Variants in HHAT observed in about 807,000 individuals in gnomAD.
The protein encoded by HHAT is hedgehog acyltransferase.
A neutral mutation model predicts 70.8 loss-of-function variants in HHAT; 47 were observed. The observed-to-expected ratio is 0.66, with a 90% confidence interval of 0.53 to 0.85. HHAT has a LOEUF of 0.85. Among genes scored for constraint, HHAT ranks in the 40% least tolerant of loss-of-function variants. HHAT has a pLI of 0.00. For missense variants in HHAT, 609 were observed against 604.8 expected (o/e 1.01, Z -0.07); for synonymous variants, 228 against 247.6 (o/e 0.92, Z 0.74).
At chr1:210,456,005 G>C (rs1217513427) in intron 7 of HHAT, among the ~76,000 whole-genome samples, 1 of 151,952 alleles carries the variant, frequency 6.6e-6, no homozygotes, top group East Asian at 1.9e-4. Context: ...GTAGAGGAGA[G>C]TGCAAAGCTC....
intron 10 of HHAT, among the ~76,000 whole-genome samples, chr1:210,617,900 C>T (rs1367121393): frequency 2.0e-5 from 3 of 152,178 alleles, no homozygotes; most frequent in Non-Finnish European, 4.4e-5. Flanking sequence ...TGTATTCATT[C>T]AGCTTGGATA....
chr1:210,444,240 C>T (rs1332417860), intron 7 of HHAT, among the ~76,000 whole-genome samples: 1 of 82,854 alleles, frequency 1.2e-5, no homozygotes, highest in African/African-American at 4.2e-5. Flanking sequence ...CTGCTGGATT[C>T]GTTTTGCCAG....
intron 5 of HHAT, among the ~76,000 whole-genome samples, chr1:210,404,008 T>C (rs1167241026): frequency 6.6e-6 from 1 of 151,882 alleles, no homozygotes; most frequent in African/African-American, 2.4e-5. Context: ...AGAGCCAAAC[T>C]GATAACAAAA....
At chr1:210,365,319 T>TTTGTTTG (rs1443857806) in intron 3 of HHAT, among the ~76,000 whole-genome samples, 1 of 131,562 alleles carries the variant, frequency 7.6e-6, no homozygotes, top group African/African-American at 3.0e-5. Flanking sequence ...GTTTTTTTTT[T>TTTGTTTG]TTTTTTTTTT....
Position 210,418,222 on chromosome 1 carries a change from T to C in HHAT, c.753T>C (p.Leu251=). 1 of 1,614,084 alleles carries C rather than the reference T, an allele frequency of 6.2e-7. No individual in the cohort carries two copies. Among genetic ancestry groups the C allele is most frequent in the Non-Finnish European group, 8.5e-7 (1 of 1,179,992 alleles). ...LCVLALGLGR[L]LCWWWLAELM... is the part of the protein sequence containing the mutation. The stretch of plus-strand genomic sequence containing the variant: ...TCCTGGCCCTGGGGCTGGGCCGCCT[T>C]CTTTGCTGGTGGTGGCTGGCCGAGC... The change falls in exon 7 of 12, where the codon CTT becomes CTC. Residue 251 remains leucine (L), a synonymous_variant. Transcript: ENST00000261458.
chr1:210,596,683 C>T (rs76460411), intron 10 of HHAT, among the ~76,000 whole-genome samples: 1,706 of 152,112 alleles, frequency 0.011, 46 homozygotes, highest in African/African-American at 0.039. Flanking sequence ...ATTTCAGTGT[C>T]TGTTAAATTT....
rs558792500 is a variant in HHAT at position 210,539,286 on chromosome 1, C to T, written c.1043+26098C>T. 2.6e-5 allele frequency among the ~76,000 whole-genome samples: 4 copies of T among 152,322 alleles called. No individual in the cohort carries two copies. The East Asian group carries it at 7.7e-4, about 29-fold the overall frequency. On this transcript the variant is annotated intron_variant, in intron 9 of 11. Transcript: ENST00000261458. ...CCTATTGAGTACTGAGAGGGAAAGA[C>T]TATGATTCAAGAATTTTATATCCAG...
In HHAT at chr1:210,348,973, G is replaced by C. The variant is rs1222324808; in HGVS notation, c.-3G>C. 1.2e-6 allele frequency: 2 copies of C among 1,613,640 alleles called. No homozygotes were observed. Among genetic ancestry groups the C allele is most frequent in the East Asian group, 4.5e-5 (2 of 44,878 alleles). ...GCATCGGGAACCTTCGTGCCAAGGAGCCATGCTGCCCCGATGGGAACTGGC... is the reference window on the plus strand; with the variant it reads ...GCATCGGGAACCTTCGTGCCAAGGACCCATGCTGCCCCGATGGGAACTGGC... On this transcript the variant is annotated 5_prime_UTR_variant, in exon 2 of 12. Transcript: ENST00000261458.
intron 8 of HHAT, among the ~76,000 whole-genome samples, chr1:210,488,079 A>G (rs2094499329): frequency 6.6e-6 from 1 of 152,264 alleles, no homozygotes; most frequent in African/African-American, 2.4e-5. Context: ...AATCTGTCTT[A>G]TGTCAATTTG....
intron 8 of HHAT, among the ~76,000 whole-genome samples, chr1:210,501,431 G>A (rs1268481064): frequency 6.6e-6 from 1 of 152,172 alleles, no homozygotes; most frequent in Non-Finnish European, 1.5e-5. Flanking sequence ...AAGATATTTT[G>A]GGTGGCAAGG....
At position 210,674,593 on chromosome 1, in the gene HHAT, C is replaced by T; in HGVS notation, c.*214C>T. 2 of 536,310 alleles carry T rather than the reference C, an allele frequency of 3.7e-6. No individual in the cohort carries two copies. Among genetic ancestry groups the T allele is most frequent in the South Asian group, 5.3e-5 (2 of 38,072 alleles). 33.2% of individuals were successfully genotyped at this position (536,310 alleles called of 1,614,324 possible). ...TTTGAGATCTTCTACCCCAACTCAT[C>T]ATTTTCCTATTGAGGAAACGGGTCC... is the stretch of plus-strand genomic sequence containing the variant. On this transcript the variant is annotated 3_prime_UTR_variant, in exon 12 of 12. Transcript: ENST00000261458.
intron 8 of HHAT, among the ~76,000 whole-genome samples, chr1:210,490,492 GA>G: frequency 6.6e-6 from 1 of 152,268 alleles, no homozygotes; most frequent in East Asian, 1.9e-4. Flanking sequence ...AGAGGGACAG[GA>G]AAGCTGAAGC....
intron 7 of HHAT, among the ~76,000 whole-genome samples, chr1:210,432,944 AT>A (rs1248191577): frequency 6.6e-6 from 1 of 151,572 alleles, no homozygotes; most frequent in African/African-American, 2.4e-5. Flanking sequence ...AGATACTGTA[AT>A]TTTTTTATTC....
intron 2 of HHAT, among the ~76,000 whole-genome samples, chr1:210,359,632 CCA>C (rs771424586): frequency 6.6e-6 from 1 of 152,068 alleles, no homozygotes; most frequent in Non-Finnish European, 1.5e-5. Context: ...TTAAAAAACC[CCA>C]GTCTCACAAG....
At chr1:210,478,284 G>A (rs1449962028) in intron 8 of HHAT, among the ~76,000 whole-genome samples, 4 of 152,068 alleles carry the variant, frequency 2.6e-5, no homozygotes, top group South Asian at 2.1e-4. Flanking sequence ...AGTTTTTAGC[G>A]AGATCATTTG....
At chr1:210,463,674 G>A (rs1373150146) in intron 7 of HHAT, among the ~76,000 whole-genome samples, 1 of 152,170 alleles carries the variant, frequency 6.6e-6, no homozygotes, top group African/African-American at 2.4e-5. Context: ...TATATGACAA[G>A]GAGTGGAATT....
intron 9 of HHAT, among the ~76,000 whole-genome samples, chr1:210,549,622 A>C (rs2095511963): frequency 6.7e-6 from 1 of 148,844 alleles, no homozygotes; most frequent in African/African-American, 2.5e-5. Context: ...AGTTGTGGGC[A>C]ATTTAGACTT....
chr1:210,596,029 A>C (rs559305151), intron 10 of HHAT, among the ~76,000 whole-genome samples: 16 of 152,322 alleles, frequency 1.1e-4, no homozygotes, highest in African/African-American at 3.6e-4. Context: ...TGTTTTAGAC[A>C]TGAAGTCCTT....
At chr1:210,357,745 G>T (rs1044020748) in intron 2 of HHAT, among the ~76,000 whole-genome samples, 1 of 152,134 alleles carries the variant, frequency 6.6e-6, no homozygotes, top group Non-Finnish European at 1.5e-5. Context: ...GCGTGAACCC[G>T]GGAGGTGGAG....
Sources: gnomAD v4.1 joint callset for allele counts (sites outside exome capture counted in the v4.1 genomes callset) on GRCh38, gnomAD v4.1.1 for gene constraint, MANE v1.5 for transcripts, NCBI Gene and HGNC (gene_info 2026-07-23, HGNC 2026-07-21) for gene names.